Variants in NAXD observed in about 807,000 individuals in gnomAD.
The protein encoded by NAXD is NAD(P)HX dehydratase.
NAXD carries 22 observed loss-of-function variants against 35.8 expected under a neutral mutation model. The observed-to-expected ratio is 0.62, with a 90% CI of 0.44 to 0.88. The LOEUF is 0.88. Among genes scored for constraint, NAXD ranks in the 40% least tolerant of loss-of-function variants. NAXD has a pLI of 0.00. For synonymous variants in NAXD, 189 were observed against 177.6 expected (o/e 1.06, Z -0.51); for missense variants, 428 against 437.7 (o/e 0.98, Z 0.20).
chr13:110,622,174 T>G, intron 1 of NAXD, 42 bp from the exon 2 acceptor site: 1 of 1,557,670 alleles, frequency 6.4e-7, no homozygotes, highest in Non-Finnish European at 8.7e-7. Flanking sequence ...ACTAACAATA[T>G]CTGTTTACCT....
chr13:110,636,456 A>T (rs1005334797), intron 8 of NAXD, among the ~76,000 whole-genome samples: 2 of 152,098 alleles, frequency 1.3e-5, no homozygotes, highest in East Asian at 3.9e-4. Context: ...GGTCATGCTC[A>T]CAGCCTCGCA....
At chr13:110,619,810 T>A (rs1886192183) in intron 1 of NAXD, among the ~76,000 whole-genome samples, 1 of 152,148 alleles carries the variant, frequency 6.6e-6, no homozygotes, top group African/African-American at 2.4e-5. Flanking sequence ...AAATGTCTTT[T>A]TTTTTGAGAC....
At chr13:110,637,854 G>A (rs1180491399) in intron 9 of NAXD, 1 of 474,298 alleles carries the variant, frequency 2.1e-6, no homozygotes, top group African/African-American at 2.0e-5. Flanking sequence ...TCATTGCCGG[G>A]ATGGCAGAGT....
At chr13:110,626,423 C>T (rs747409493) in intron 4 of NAXD, among the ~76,000 whole-genome samples, 5 of 151,982 alleles carry the variant, frequency 3.3e-5, no homozygotes, top group Admixed American at 1.3e-4. Context: ...GGGTGTAGGG[C>T]GCAGTTTGGC....
intron 8 of NAXD, 85 bp downstream of exon 8, chr13:110,635,673 C>A: frequency 6.9e-7 from 1 of 1,449,858 alleles, no homozygotes; most frequent in Non-Finnish European, 9.5e-7. Context: ...GAAGACCTCT[C>A]CCGTGCACAC....
At position 110,628,412 on chromosome 13, in the gene NAXD, G is replaced by T. The variant is rs758372358; in HGVS notation, c.441+865G>T. On this transcript the variant is annotated intron_variant, in intron 5 of 9. Transcript: ENST00000680254. This position sits in a 1 kb window ranked among gnomAD's most constrained non-coding sequence, Gnocchi z 4.1. ...AGGCCGGGCATTAGTGAGGGACTACGCTTGAAGCCCTTAGAAGGTGCCTGG... is the reference window on the plus strand; with the variant it reads ...AGGCCGGGCATTAGTGAGGGACTACTCTTGAAGCCCTTAGAAGGTGCCTGG... Among the ~76,000 whole-genome samples, 6 of 152,196 alleles carry T rather than the reference G, an allele frequency of 3.9e-5. No homozygotes were observed. The highest frequency in any genetic ancestry group is 7.3e-5 in the Non-Finnish European group (5 of 68,044).
intron 2 of NAXD, among the ~76,000 whole-genome samples, chr13:110,622,759 A>T (rs926796331): frequency 6.6e-6 from 1 of 152,218 alleles, no homozygotes; most frequent in African/African-American, 2.4e-5. Context: ...AAATTTGACA[A>T]ATCCCTAGCT....
chr13:110,626,711 G>A (rs189859277), intron 4 of NAXD, among the ~76,000 whole-genome samples: 16 of 152,322 alleles, frequency 1.1e-4, no homozygotes, highest in Non-Finnish European at 2.2e-4. Flanking sequence ...TTGGAGATGA[G>A]GCCTGAGAAC....
chr13:110,633,531 A>G (rs1886802519), intron 5 of NAXD, among the ~76,000 whole-genome samples: 1 of 152,256 alleles, frequency 6.6e-6, no homozygotes, highest in Non-Finnish European at 1.5e-5. Flanking sequence ...GTGGGAGCCC[A>G]GGCAGAGGAG....
chr13:110,634,278 G>T (rs1298158270), intron 5 of NAXD, among the ~76,000 whole-genome samples: 1 of 152,176 alleles, frequency 6.6e-6, no homozygotes, highest in Non-Finnish European at 1.5e-5. Flanking sequence ...TAATGAACAG[G>T]CGTTTACTGG....
intron 5 of NAXD, among the ~76,000 whole-genome samples, chr13:110,633,761 T>A (rs970913613): frequency 6.6e-6 from 1 of 151,948 alleles, no homozygotes; most frequent in Non-Finnish European, 1.5e-5. Flanking sequence ...ACATGTAGTT[T>A]TTTTTTTTTA....
At chr13:110,615,542 T>A, upstream of NAXD, 3 of 1,329,774 alleles carry the variant, frequency 2.3e-6, no homozygotes, top group Non-Finnish European at 2.9e-6. Flanking sequence ...GGAAAACGCT[T>A]CCAATGGCTG....
chr13:110,625,150 G>A lies in NAXD; in HGVS notation c.244-40G>A, dbSNP rs74940904. 5.9e-3 allele frequency: 8,899 copies of A among 1,497,802 alleles called. 441 individuals are homozygous for A. In the African/African-American group the frequency reaches 0.11, roughly 18 times the overall value. 92.8% of individuals were successfully genotyped at this position (1,497,802 alleles called of 1,614,324 possible). A position where few individuals can be genotyped will look rare whatever the true frequency, so the allele number is the denominator to read the frequency against. On this transcript the variant is annotated intron_variant, in intron 3 of 9. Coordinates refer to ENST00000680254, the MANE Select transcript of NAXD (RefSeq NM_001242882.2). ...TGTCTGGCGGGTGGGCAGCGATGCCGGAGCGATCCCTGAGTCGGCCTCTTG... is the reference window on the plus strand; with the variant it reads ...TGTCTGGCGGGTGGGCAGCGATGCCAGAGCGATCCCTGAGTCGGCCTCTTG...
At chr13:110,615,977 C>T in intron 1 of NAXD, 2 of 417,028 alleles carry the variant, frequency 4.8e-6, no homozygotes, top group Non-Finnish European at 8.1e-6. Context: ...CAGAGGGTGG[C>T]GCCGGGCCGG....
chr13:110,636,510 C>T (rs1886932973), intron 8 of NAXD, among the ~76,000 whole-genome samples: 1 of 152,208 alleles, frequency 6.6e-6, no homozygotes, highest in South Asian at 2.1e-4. Context: ...GCACAAGGAA[C>T]ACAGAGCAGA....
intron 1 of NAXD, among the ~76,000 whole-genome samples, chr13:110,619,019 C>G (rs999902467): frequency 1.3e-5 from 2 of 152,320 alleles, no homozygotes; most frequent in South Asian, 4.1e-4. Context: ...CTGTGCCCTC[C>G]TGGGAGTGCT....
Position 110,628,817 on chromosome 13 carries a change from G to C in NAXD, c.441+1270G>C, listed in dbSNP as rs1886597307. Among the ~76,000 whole-genome samples the C allele has an allele frequency of 6.6e-6, 1 of 152,188 alleles. No homozygotes were observed. Among genetic ancestry groups the C allele is most frequent in the Non-Finnish European group, 1.5e-5 (1 of 68,024 alleles). On this transcript the variant is annotated intron_variant, in intron 5 of 9. Coordinates refer to ENST00000680254, the MANE Select transcript of NAXD (RefSeq NM_001242882.2). This position sits in a 1 kb window ranked among gnomAD's most constrained non-coding sequence, Gnocchi z 4.1. ...GTGCACGGCTGCTGCTTCCTGTCCAGCTCTGCATCCTGGGGGTGCGGATGA... is the reference window on the plus strand; with the variant it reads ...GTGCACGGCTGCTGCTTCCTGTCCACCTCTGCATCCTGGGGGTGCGGATGA...
chr13:110,626,288 T>G (rs1886481040), intron 4 of NAXD, among the ~76,000 whole-genome samples: 1 of 150,752 alleles, frequency 6.6e-6, no homozygotes, highest in African/African-American at 2.4e-5. Context: ...AGTTTGGGGG[T>G]GGAATTTGCC....
At chr13:110,631,105 T>C (rs1048757663) in intron 5 of NAXD, among the ~76,000 whole-genome samples, 1 of 152,228 alleles carries the variant, frequency 6.6e-6, no homozygotes. Flanking sequence ...TTAAGTCTTC[T>C]GGTTCCTGGG....
Sources: gnomAD v4.1 joint callset for allele counts (sites outside exome capture counted in the v4.1 genomes callset) on GRCh38, gnomAD v4.1.1 for gene constraint, Gnocchi (gnomAD v3.1) non-coding constraint, MANE v1.5 for transcripts, NCBI Gene and HGNC (gene_info 2026-07-23, HGNC 2026-07-21) for gene names.